The following TBC1D12 variants were observed in gnomAD, a reference collection of about 807,000 sequenced individuals.
TBC1D12 encodes TBC1 domain family member 12.
TBC1D12 carries 56 observed loss-of-function variants against 86.7 expected under a neutral mutation model. That is an observed-to-expected ratio of 0.65 (90% CI 0.52 to 0.81). The LOEUF is 0.81. Ranked by LOEUF, TBC1D12 falls within the 30% of genes least tolerant of loss-of-function variation. The pLI is 0.00. For missense variants in TBC1D12, 1,023 were observed against 1,038.8 expected (o/e 0.98, Z 0.21); for synonymous variants, 421 against 411.7 (o/e 1.02, Z -0.27).
intron 1 of TBC1D12, among the ~76,000 whole-genome samples, chr10:94,412,992 A>AG (rs1005300836): frequency 2.6e-5 from 4 of 152,236 alleles, no homozygotes; most frequent in Non-Finnish European, 5.9e-5. Flanking sequence ...AAAGACCCCC[A>AG]GGTGATTCTG....
chr10:94,516,430 A>G (rs557749332), intron 9 of TBC1D12, among the ~76,000 whole-genome samples: 38 of 151,858 alleles, frequency 2.5e-4, no homozygotes, highest in African/African-American at 8.0e-4. Flanking sequence ...TGTTTTTTTT[A>G]AAATTATACT....
intron 1 of TBC1D12, among the ~76,000 whole-genome samples, chr10:94,426,833 T>G (rs959771679): frequency 2.0e-5 from 3 of 152,144 alleles, no homozygotes; most frequent in African/African-American, 7.2e-5. Context: ...ACTTCGGCCT[T>G]GCAAAGTGCT....
intron 9 of TBC1D12, among the ~76,000 whole-genome samples, chr10:94,520,428 G>A (rs1178785505): frequency 6.6e-6 from 1 of 152,086 alleles, no homozygotes; most frequent in African/African-American, 2.4e-5. Flanking sequence ...GCACATGCCT[G>A]TAATCCCAGC....
intron 1 of TBC1D12, among the ~76,000 whole-genome samples, chr10:94,433,481 T>G (rs1253334449): frequency 6.6e-6 from 1 of 152,130 alleles, no homozygotes; most frequent in Non-Finnish European, 1.5e-5. Flanking sequence ...ATTTTAGGTG[T>G]GATTTTAAAA....
At chr10:94,403,627 G>A (rs375130634) in intron 1 of TBC1D12, 43 bp downstream of exon 1, 4 of 1,412,066 alleles carry the variant, frequency 2.8e-6, no homozygotes, top group Non-Finnish European at 3.7e-6. Context: ...GTCCGGGGCC[G>A]GGGCCGGAGC....
intron 2 of TBC1D12, among the ~76,000 whole-genome samples, chr10:94,465,848 G>A (rs928097951): frequency 2.0e-5 from 3 of 149,540 alleles, no homozygotes; most frequent in African/African-American, 4.9e-5. Flanking sequence ...ACATATATAC[G>A]TACATGCATA....
chr10:94,499,225 T>G (rs578157655), intron 5 of TBC1D12, among the ~76,000 whole-genome samples: 1 of 152,342 alleles, frequency 6.6e-6, no homozygotes, highest in East Asian at 1.9e-4. Context: ...TATTATTTAT[T>G]ATAGTCACCA....
rs760580038 is a variant in TBC1D12 at position 94,442,064 on chromosome 10, A to ATTC, written c.1095+63_1095+65dup. The ATTC allele has an allele frequency of 1.1e-4, 163 of 1,504,382 alleles. 1 individual carries two copies. The highest frequency in any genetic ancestry group is 5.3e-4 in the Middle Eastern group (3 of 5,666). 93.2% of individuals were successfully genotyped at this position (1,504,382 alleles called of 1,614,324 possible). ...TGTAGTTTACCCTAGCTTTTCAAGC[A>ATTC]TTCTTCTTCTTCTTCTTCTTTTTTT... On this transcript the variant is annotated intron_variant, in intron 2 of 12. Transcript: ENST00000225235.
At position 94,521,917 on chromosome 10, in the gene TBC1D12, T is replaced by C. The variant is rs1238978450; in HGVS notation, c.1762-38T>C. 2.0e-6 allele frequency: 3 copies of C among 1,531,296 alleles called. No individual in the cohort carries two copies. In the East Asian group the frequency reaches 6.8e-5, roughly 35 times the overall value. The allele number at this position is 1,531,296 out of a possible 1,614,324, so 94.9% of individuals were successfully genotyped here. Reference sequence around the variant, plus strand: ...AAAATAAACTATATAGATTTATTATTGTAAGTCCATTTTGACTAAATTTTT... The same window carrying C: ...AAAATAAACTATATAGATTTATTATCGTAAGTCCATTTTGACTAAATTTTT... On this transcript the variant is annotated intron_variant, in intron 9 of 12. Transcript: ENST00000225235.
intron 2 of TBC1D12, among the ~76,000 whole-genome samples, 154 bp downstream of exon 2, chr10:94,442,173 C>G (rs2055393204): frequency 1.3e-5 from 2 of 150,816 alleles, no homozygotes; most frequent in Admixed American, 6.6e-5. Flanking sequence ...TTTATAGGGA[C>G]CTGCTAAATT....
intron 5 of TBC1D12, 73 bp from the exon 6 acceptor site, chr10:94,500,148 A>T (rs2056375623): frequency 1.5e-6 from 2 of 1,346,612 alleles, no homozygotes; most frequent in Admixed American, 4.1e-5. Flanking sequence ...TAGACTAAAG[A>T]TAATCCATCA....
chr10:94,493,501 AT>A, intron 4 of TBC1D12, 54 bp downstream of exon 4: 5 of 1,235,808 alleles, frequency 4.0e-6, no homozygotes, highest in Non-Finnish European at 5.8e-6. Context: ...AAGAAGATGG[AT>A]GGTAAAATTC....
intron 2 of TBC1D12, among the ~76,000 whole-genome samples, chr10:94,446,631 C>T (rs1462917433): frequency 1.3e-5 from 2 of 152,096 alleles, no homozygotes; most frequent in African/African-American, 4.8e-5. Flanking sequence ...CTCAAGCAAT[C>T]TTCCCGTCTT....
In TBC1D12 at chr10:94,443,298, C is replaced by T. The variant is rs75034420; in HGVS notation, c.1095+1279C>T. ...TTAGACCATGTGCCTCCTCCTCTCC[C>T]TGTAAACTAACTTAATTTCTTTTTT... On this transcript the variant is annotated intron_variant, in intron 2 of 12. Transcript: ENST00000225235. 3.8e-3 allele frequency among the ~76,000 whole-genome samples: 575 copies of T among 152,270 alleles called. 3 individuals carry two copies. Among genetic ancestry groups the T allele is most frequent in the African/African-American group, 0.013 (553 of 41,562 alleles).
chr10:94,531,814 TTTATG>T (rs1842434315), intron 12 of TBC1D12, among the ~76,000 whole-genome samples: 1 of 148,470 alleles, frequency 6.7e-6, no homozygotes, highest in African/African-American at 2.4e-5. Context: ...GTTATTTTAT[TTTATG>T]TTATTTTATT....
chr10:94,530,701 A>C lies in TBC1D12; in HGVS notation c.2001-501A>C, dbSNP rs373684075. On this transcript the variant is annotated intron_variant, in intron 11 of 12. Transcript: ENST00000225235. ...AGTGGCAAATTCAGGATTCAAATTC[A>C]GGCATTCTGGTTTCATAGCTCATAC... Among the ~76,000 whole-genome samples the C allele has an allele frequency of 7.2e-5, 11 of 152,314 alleles. No homozygotes were observed. In the East Asian group the frequency reaches 2.1e-3, roughly 29 times the overall value.
chr10:94,440,350 T>A (rs796263416), intron 1 of TBC1D12, among the ~76,000 whole-genome samples: 6 of 152,178 alleles, frequency 3.9e-5, no homozygotes, highest in African/African-American at 7.2e-5. Flanking sequence ...TTTTAATTTT[T>A]ATTTTTTGTA....
intron 8 of TBC1D12, 56 bp downstream of exon 8, chr10:94,510,235 G>A (rs2056510404): frequency 1.6e-6 from 2 of 1,267,002 alleles, no homozygotes; most frequent in African/African-American, 1.6e-5. Context: ...AATATCCAAG[G>A]CAACAGATTC....
At chr10:94,416,112 G>GA (rs60887973) in intron 1 of TBC1D12, among the ~76,000 whole-genome samples, 3,326 of 151,928 alleles carry the variant, frequency 0.022, 124 homozygotes, top group African/African-American at 0.074. Context: ...ACTATGTAGG[G>GA]AAAAAAAATA....
Sources: gnomAD v4.1 joint callset for allele counts (sites outside exome capture counted in the v4.1 genomes callset) on GRCh38, gnomAD v4.1.1 for gene constraint, MANE v1.5 for transcripts, NCBI Gene and HGNC (gene_info 2026-07-23, HGNC 2026-07-21) for gene names.